TTC1: variants seen among roughly 807,000 people sequenced by gnomAD.
The protein encoded by TTC1 is tetratricopeptide repeat domain 1.
TTC1 carries 31 observed loss-of-function variants against 37.6 expected under a neutral mutation model. That is an observed-to-expected ratio of 0.82 (90% CI 0.62 to 1.11). The LOEUF is 1.11. Ranked by LOEUF, TTC1 falls within the 50% of genes most tolerant of loss-of-function variation. The pLI, the probability that TTC1 is intolerant of heterozygous loss-of-function variation, is 0.00. For synonymous variants in TTC1, 127 were observed against 122.4 expected (o/e 1.04, Z -0.25); for missense variants, 351 against 339.0 (o/e 1.04, Z -0.28).
rs1010801922 is a variant in TTC1 at position 160,047,910 on chromosome 5, C to T, written c.542-1604C>T. Among the ~76,000 whole-genome samples, 4 of 152,054 alleles carry T rather than the reference C, an allele frequency of 2.6e-5. No individual in the cohort carries two copies. The East Asian group carries it at 7.7e-4, about 29-fold the overall frequency. ...TTTATTTTTCATTATAGTACTATGG[C>T]TATTGAAATTATATACCTGTCTGTT... On this transcript the variant is annotated intron_variant, in intron 5 of 7. Coordinates refer to ENST00000231238, the MANE Select transcript of TTC1 (RefSeq NM_003314.3).
At chr5:160,017,607 A>T (rs1429436953) in intron 2 of TTC1, among the ~76,000 whole-genome samples, 3 of 152,232 alleles carry the variant, frequency 2.0e-5, no homozygotes, top group Non-Finnish European at 4.4e-5. Flanking sequence ...GCAGAATGCT[A>T]GTATTGATTC....
intron 5 of TTC1, among the ~76,000 whole-genome samples, chr5:160,045,508 ACACACATACACACT>A (rs1470522003): frequency 1.8e-4 from 14 of 75,858 alleles, no homozygotes; most frequent in African/African-American, 2.9e-4. Context: ...ACACACACAC[ACACACATACACACT>A]CTCTCTCTCT....
intron 7 of TTC1, among the ~76,000 whole-genome samples, chr5:160,059,999 G>A (rs1351746931): frequency 1.3e-5 from 2 of 152,204 alleles, no homozygotes; most frequent in Admixed American, 6.5e-5. Context: ...AAGTCTGCCT[G>A]TATAAGAATT....
intron 7 of TTC1, among the ~76,000 whole-genome samples, chr5:160,061,337 A>G (rs996888166): frequency 6.6e-6 from 1 of 152,204 alleles, no homozygotes; most frequent in Non-Finnish European, 1.5e-5. Flanking sequence ...AGCCAAAGGA[A>G]TCTTCCCCTT....
intron 2 of TTC1, among the ~76,000 whole-genome samples, chr5:160,022,069 G>A (rs767953693): frequency 2.0e-5 from 3 of 152,164 alleles, no homozygotes. Context: ...TAAGCTTGCC[G>A]GAGTGAGAGT....
intron 2 of TTC1, among the ~76,000 whole-genome samples, chr5:160,032,280 C>T (rs1349375748): frequency 6.6e-6 from 1 of 152,174 alleles, no homozygotes; most frequent in Admixed American, 6.5e-5. Flanking sequence ...TTAAGATTTA[C>T]AGTCAATGCT....
At position 160,043,176 on chromosome 5, in the gene TTC1, C is replaced by T; in HGVS notation, c.541+7C>T. The T allele has an allele frequency of 6.2e-7, 1 of 1,613,346 alleles. No individual in the cohort carries two copies. Among genetic ancestry groups the T allele is most frequent in the Non-Finnish European group, 8.5e-7 (1 of 1,179,656 alleles). ...ATCAATGACTGCAGCAAAGGTACAG[C>T]TTTATTATCTTATTACATGTTAACA... is the stretch of plus-strand genomic sequence containing the variant. On this transcript the variant is annotated splice_region_variant and intron_variant, in intron 5 of 7. Coordinates refer to ENST00000231238, the MANE Select transcript of TTC1 (RefSeq NM_003314.3).
At chr5:160,036,892 G>A in intron 4 of TTC1, 89 bp downstream of exon 4, 1 of 876,544 alleles carries the variant, frequency 1.1e-6, no homozygotes, top group Non-Finnish European at 1.8e-6. Flanking sequence ...TAGCATAGAG[G>A]TTGCTGCCTC....
At chr5:160,064,553 C>T (rs143805530) in intron 7 of TTC1, among the ~76,000 whole-genome samples, 32 of 152,346 alleles carry the variant, frequency 2.1e-4, no homozygotes, top group African/African-American at 6.7e-4. Context: ...ACCAGGCAGA[C>T]CTGGCTTGGC....
At chr5:160,031,910 G>C (rs960586181) in intron 2 of TTC1, among the ~76,000 whole-genome samples, 7 of 152,134 alleles carry the variant, frequency 4.6e-5, no homozygotes, top group Non-Finnish European at 2.9e-5. Flanking sequence ...AGGATTGCTT[G>C]AGTCCAGGAG....
intron 7 of TTC1, among the ~76,000 whole-genome samples, chr5:160,054,893 C>T (rs181462436): frequency 7.8e-4 from 119 of 152,256 alleles, no homozygotes; most frequent in Non-Finnish European, 1.0e-3. Flanking sequence ...GTAAAACTGA[C>T]GAGACACTTT....
At chr5:160,046,948 G>GT in intron 5 of TTC1, among the ~76,000 whole-genome samples, 1 of 152,252 alleles carries the variant, frequency 6.6e-6, no homozygotes, top group East Asian at 1.9e-4. Flanking sequence ...GGAGGTGGAG[G>GT]TTGCAGTGAG....
rs1756978777 is a variant in TTC1, at chr5:160,035,049, A to G, written c.331-91A>G. The G allele has an allele frequency of 1.8e-5, 20 of 1,115,044 alleles. No individual in the cohort carries two copies. The East Asian group carries it at 5.2e-4, about 29-fold the overall frequency. 69.1% of individuals were successfully genotyped at this position (1,115,044 alleles called of 1,614,324 possible). A position where few individuals can be genotyped will look rare whatever the true frequency, so the allele number is the denominator to read the frequency against. On this transcript the variant is annotated intron_variant, in intron 2 of 7. Coordinates refer to ENST00000231238, the MANE Select transcript of TTC1 (RefSeq NM_003314.3). ...GTTCTCAAAAGTCAGACTGTTGCCT[A>G]TTAAATAGACTTGTGCATAAGGAAA...
rs1757131583 is a variant in TTC1, at chr5:160,043,167, A to G, written c.539A>G (p.Lys180Arg). ...KKEMAINDCS[K>R]AIQLNPSYIR... ...GAAATGGCCATCAATGACTGCAGCA[A>G]AGGTACAGCTTTATTATCTTATTAC... is the stretch of plus-strand genomic sequence containing the variant. The change falls in exon 5 of 8, where the codon AAA (lysine) becomes AGA (arginine). Residue 180 changes from lysine to arginine, a missense_variant and splice_region_variant. Coordinates refer to ENST00000231238, the MANE Select transcript of TTC1 (RefSeq NM_003314.3). 4 of 1,613,364 alleles carry G rather than the reference A, an allele frequency of 2.5e-6. No homozygotes were observed. Among genetic ancestry groups the G allele is most frequent in the Non-Finnish European group, 3.4e-6 (4 of 1,179,712 alleles).
At chr5:160,049,117 A>G (rs561990401) in intron 5 of TTC1, among the ~76,000 whole-genome samples, 1 of 152,360 alleles carries the variant, frequency 6.6e-6, no homozygotes, top group South Asian at 2.1e-4. Flanking sequence ...TGTTTTTGAT[A>G]GCCTAAAAGC....
intron 2 of TTC1, among the ~76,000 whole-genome samples, chr5:160,013,941 C>G (rs1756551494): frequency 6.6e-6 from 1 of 152,090 alleles, no homozygotes; most frequent in Non-Finnish European, 1.5e-5. Context: ...ATAGACTCTT[C>G]TACAAGGATA....
At chr5:160,030,153 G>A (rs1459959539) in intron 2 of TTC1, among the ~76,000 whole-genome samples, 1 of 152,186 alleles carries the variant, frequency 6.6e-6, no homozygotes, top group Admixed American at 6.5e-5. Context: ...AGAACTGAAA[G>A]GTGGCCCCAG....
intron 7 of TTC1, among the ~76,000 whole-genome samples, chr5:160,062,467 G>A (rs757054181): frequency 1.1e-4 from 17 of 152,204 alleles, no homozygotes; most frequent in Admixed American, 9.8e-4. Flanking sequence ...GCACACCTCC[G>A]TCTTTTGGGT....
chr5:160,015,355 G>A (rs555566006), intron 2 of TTC1, among the ~76,000 whole-genome samples: 6 of 152,092 alleles, frequency 3.9e-5, no homozygotes, highest in Admixed American at 1.3e-4. Flanking sequence ...GACCACAGGC[G>A]CCTTCCACCA....
Sources: gnomAD v4.1 joint callset for allele counts (sites outside exome capture counted in the v4.1 genomes callset) on GRCh38, gnomAD v4.1.1 for gene constraint, MANE v1.5 for transcripts, NCBI Gene and HGNC (gene_info 2026-07-23, HGNC 2026-07-21) for gene names.